N4BP2L2: variants seen among roughly 807,000 people sequenced by gnomAD.
N4BP2L2 encodes NEDD4-binding protein 2-like 2.
Under a neutral mutation model 56.2 loss-of-function variants are expected in N4BP2L2, and 50 were observed. That is an observed-to-expected ratio of 0.89 (90% CI 0.71 to 1.13). N4BP2L2 has a LOEUF of 1.13. Ranked by LOEUF, N4BP2L2 falls within the 50% of genes most tolerant of loss-of-function variation. The probability of loss-of-function intolerance (pLI) is 0.00; values close to 1 mark genes in which losing one functional copy is unlikely to be tolerated. For synonymous variants in N4BP2L2, 203 were observed against 223.6 expected, an observed-to-expected ratio of 0.91 and a Z score of 0.82; for missense variants, 689 against 693.8, an observed-to-expected ratio of 0.99 and a Z score of 0.08.
intron 2 of N4BP2L2, among the ~76,000 whole-genome samples, chr13:32,530,595 T>A (rs1283941958): frequency 6.6e-6 from 1 of 152,204 alleles, no homozygotes. Context: ...TTTGAGAGCC[T>A]ATTTTATGTC....
intron 6 of N4BP2L2, among the ~76,000 whole-genome samples, chr13:32,466,589 G>C (rs746240305): frequency 6.6e-6 from 1 of 151,966 alleles, no homozygotes; most frequent in Non-Finnish European, 1.5e-5. Flanking sequence ...CCCACACCAT[G>C]ATTGAGTTTA....
At chr13:32,466,857 G>A (rs1448600639) in intron 6 of N4BP2L2, among the ~76,000 whole-genome samples, 2 of 152,068 alleles carry the variant, frequency 1.3e-5, no homozygotes, top group Admixed American at 6.6e-5. Context: ...TATATGACAC[G>A]TTGTAATAAA....
exon 7 of N4BP2L2, chr13:32,443,973 T>C (rs1593421476): frequency 6.2e-7 from 1 of 1,606,908 alleles, no homozygotes; most frequent in Non-Finnish European, 8.5e-7. Flanking sequence ...CACTCTGAGA[T>C]GGGTCCTGAT....
chr13:32,465,478 A>T (rs1429812604), intron 6 of N4BP2L2, among the ~76,000 whole-genome samples: 2 of 152,218 alleles, frequency 1.3e-5, no homozygotes, highest in Non-Finnish European at 2.9e-5. Context: ...TTTGACTGTT[A>T]CTCAAAATAA....
intron 2 of N4BP2L2, among the ~76,000 whole-genome samples, chr13:32,531,340 G>A (rs992153482): frequency 4.6e-5 from 7 of 152,110 alleles, no homozygotes; most frequent in African/African-American, 1.7e-4. Context: ...AATTTCTCAC[G>A]TAAGAAACAA....
At chr13:32,500,244 C>T (rs1352772433) in intron 6 of N4BP2L2, among the ~76,000 whole-genome samples, 1 of 152,186 alleles carries the variant, frequency 6.6e-6, no homozygotes. Context: ...AACATAGCAA[C>T]TTATCCACAT....
downstream of N4BP2L2, among the ~76,000 whole-genome samples, chr13:32,509,779 C>T (rs1406272051): frequency 2.0e-5 from 3 of 152,164 alleles, no homozygotes; most frequent in Admixed American, 2.0e-4. Flanking sequence ...ATTCATAAAA[C>T]CAATGACATT....
exon 6 of N4BP2L2, chr13:32,517,232 T>C (rs2049435211): frequency 2.4e-5 from 24 of 985,944 alleles, no homozygotes; most frequent in Non-Finnish European, 2.9e-5. Flanking sequence ...CCCAGGTGAC[T>C]GATATACCTA....
At chr13:32,526,405 G>A (rs1340352951) in intron 3 of N4BP2L2, among the ~76,000 whole-genome samples, 3 of 152,082 alleles carry the variant, frequency 2.0e-5, no homozygotes, top group Non-Finnish European at 4.4e-5. Context: ...GTGTGATAAC[G>A]GCACTGAAGT....
chr13:32,492,878 G>T (rs1483569321), intron 6 of N4BP2L2, among the ~76,000 whole-genome samples: 1 of 145,496 alleles, frequency 6.9e-6, no homozygotes, highest in Non-Finnish European at 1.5e-5. Context: ...CAGAGACATA[G>T]AAAACAACAA....
chr13:32,438,314 T>C lies in N4BP2L2; in HGVS notation c.2190+338A>G, dbSNP rs575980291. On this transcript the variant is annotated intron_variant, in intron 8 of 9. Transcript: ENST00000357505. ...GTGGATGAACCTGGAAGAAATTATG[T>C]TAATTGAAATAAGCCAGACACAGAA... 9.8e-5 allele frequency among the ~76,000 whole-genome samples: 15 copies of C among 152,326 alleles called. No individual in the cohort carries two copies. In the South Asian group the frequency reaches 2.9e-3, roughly 29 times the overall value.
At chr13:32,535,870 C>T in exon 2 of N4BP2L2, 1 of 1,614,126 alleles carries the variant, frequency 6.2e-7, no homozygotes, top group Admixed American at 1.7e-5. Context: ...GGTTCACAAA[C>T]CTGTCTGTTC....
chr13:32,494,559 C>G (rs535147476), intron 6 of N4BP2L2, among the ~76,000 whole-genome samples: 5 of 151,830 alleles, frequency 3.3e-5, no homozygotes, highest in African/African-American at 1.2e-4. Context: ...GTCAGGAGAT[C>G]GAGACCATCC....
intron 6 of N4BP2L2, among the ~76,000 whole-genome samples, chr13:32,504,291 T>C (rs1381849983): frequency 6.6e-6 from 1 of 152,148 alleles, no homozygotes; most frequent in Non-Finnish European, 1.5e-5. Context: ...GCTTAAACAA[T>C]AGAAATTTAT....
chr13:32,516,485 T>C (rs904288943), exon 6 of N4BP2L2: 1 of 152,188 alleles, frequency 6.6e-6, no homozygotes, highest in African/African-American at 2.4e-5. Context: ...ATCTAGTTTT[T>C]GGCCTGACAA....
chr13:32,477,446 C>T (rs933706138), intron 6 of N4BP2L2: 4 of 180,856 alleles, frequency 2.2e-5, no homozygotes, highest in African/African-American at 9.5e-5. Context: ...AAATATACAA[C>T]TCTCTTGCCT....
At chr13:32,469,861 T>C (rs756713744) in intron 6 of N4BP2L2, among the ~76,000 whole-genome samples, 4 of 152,150 alleles carry the variant, frequency 2.6e-5, no homozygotes, top group African/African-American at 4.8e-5. Flanking sequence ...GTTCAGGGAG[T>C]ACCTGCTGCA....
At chr13:32,477,361 C>T (rs1192887282) in intron 6 of N4BP2L2, 1 of 188,352 alleles carries the variant, frequency 5.3e-6, no homozygotes, top group Non-Finnish European at 1.1e-5. Flanking sequence ...TTTGTATCTG[C>T]AATTTACCAA....
intron 6 of N4BP2L2, among the ~76,000 whole-genome samples, chr13:32,471,449 A>G (rs910287259): frequency 3.9e-5 from 6 of 152,214 alleles, no homozygotes; most frequent in Admixed American, 3.9e-4. Flanking sequence ...CGGAGCCAGT[A>G]TTGTTTGAGA....
Sources: allele counts gnomAD v4.1 joint callset (sites outside exome capture counted in the v4.1 genomes callset), GRCh38; gene constraint gnomAD v4.1.1; transcripts MANE v1.5; gene names NCBI Gene and HGNC (gene_info 2026-07-23, HGNC 2026-07-21).